Variants in RC3H1 observed in about 807,000 individuals in gnomAD.
RC3H1 encodes ring finger and CCCH-type domains 1.
A neutral mutation model predicts 138.2 loss-of-function variants in RC3H1; 50 were observed. The observed-to-expected ratio is 0.36, with a 90% CI of 0.29 to 0.46. The LOEUF (loss-of-function observed/expected upper bound fraction) is 0.46, where lower values mean the gene tolerates loss of function less well. Among genes scored for constraint, RC3H1 ranks in the 20% least tolerant of loss-of-function variants. The pLI is 1.00. For missense variants in RC3H1, 1,031 were observed against 1,388.1 expected (o/e 0.74, Z 4.09); for synonymous variants, 462 against 489.1 (o/e 0.94, Z 0.73).
intron 1 of RC3H1, 105 bp downstream of exon 1, chr1:174,021,991 G>A: frequency 2.6e-6 from 1 of 382,244 alleles, no homozygotes; most frequent in Non-Finnish European, 4.6e-6. Flanking sequence ...GGAGCAGAGG[G>A]CGGGCGAGGA....
At chr1:174,002,103 GCTT>G (rs1275048517) in intron 1 of RC3H1, among the ~76,000 whole-genome samples, 1 of 152,064 alleles carries the variant, frequency 6.6e-6, no homozygotes, top group Non-Finnish European at 1.5e-5. Flanking sequence ...TCTTAATCAA[GCTT>G]CTTTTCTAAA....
In RC3H1 at chr1:173,985,935, T is replaced by A. The variant is rs981796840; in HGVS notation, c.232-1316A>T. 2.0e-5 allele frequency among the ~76,000 whole-genome samples: 3 copies of A among 152,250 alleles called. No individual in the cohort carries two copies. In the East Asian group the frequency reaches 5.8e-4, roughly 29 times the overall value. On this transcript the variant is annotated intron_variant, in intron 2 of 19. Coordinates refer to ENST00000367696, the MANE Select transcript of RC3H1 (RefSeq NM_172071.4). ...TTTGCCCATTTTGCCTAGTAAACTT[T>A]ATTTTGTAGAACAGTTTTAGATTTA...
At chr1:173,987,435 G>A (rs965065459) in intron 2 of RC3H1, among the ~76,000 whole-genome samples, 1 of 152,140 alleles carries the variant, frequency 6.6e-6, no homozygotes, top group African/African-American at 2.4e-5. Context: ...AGCTCTTTCA[G>A]TTGGCTCCTG....
At chr1:173,999,437 C>A (rs1414312638) in intron 1 of RC3H1, among the ~76,000 whole-genome samples, 1 of 151,784 alleles carries the variant, frequency 6.6e-6, no homozygotes, top group Non-Finnish European at 1.5e-5. Flanking sequence ...AACAAGGCTA[C>A]TTGCTTGGGT....
At position 173,936,485 on chromosome 1, in the gene RC3H1, G is replaced by A. The variant is rs1456337237; in HGVS notation, c.*2236C>T. On this transcript the variant is annotated 3_prime_UTR_variant, in exon 20 of 20. Transcript: ENST00000367696. ...GCCGAGATCAACCCACTGCACTCCA[G>A]CCTGGGCAACAGAAGCAGACTCCCT... 1 of 120,646 alleles carries A rather than the reference G, an allele frequency of 8.3e-6. No individual in the cohort carries two copies. Among genetic ancestry groups the A allele is most frequent in the Non-Finnish European group, 1.6e-5 (1 of 63,100 alleles). The allele number at this position is 120,646 out of a possible 1,614,324, so 7.5% of individuals were successfully genotyped here.
chr1:173,993,952 G>A (rs575387274), intron 1 of RC3H1, among the ~76,000 whole-genome samples: 236 of 148,876 alleles, frequency 1.6e-3, no homozygotes, highest in African/African-American at 5.4e-3. Context: ...CCCGGGAGGC[G>A]GAGGTTGTGG....
At chr1:173,965,361 G>A (rs1023844635) in intron 9 of RC3H1, among the ~76,000 whole-genome samples, 4 of 152,128 alleles carry the variant, frequency 2.6e-5, no homozygotes, top group Admixed American at 6.5e-5. Flanking sequence ...TTGGGAGGCC[G>A]AGGCAGGCGG....
At chr1:173,960,107 CAAAAAAAAA>C (rs58330993) in intron 13 of RC3H1, among the ~76,000 whole-genome samples, 9 of 51,126 alleles carry the variant, frequency 1.8e-4, no homozygotes, top group African/African-American at 5.6e-4. Context: ...GACTCCGACT[CAAAAAAAAA>C]AAAAAAAAAA....
At chr1:173,957,863 G>A (rs1659714039) in intron 13 of RC3H1, among the ~76,000 whole-genome samples, 1 of 152,068 alleles carries the variant, frequency 6.6e-6, no homozygotes, top group Non-Finnish European at 1.5e-5. Flanking sequence ...ACACCTGGCT[G>A]TTTTTACTTT....
At chr1:173,985,510 T>C (rs1660991554) in intron 2 of RC3H1, among the ~76,000 whole-genome samples, 1 of 152,176 alleles carries the variant, frequency 6.6e-6, no homozygotes, top group Non-Finnish European at 1.5e-5. Context: ...AGTAATTCAT[T>C]GTGGTTTGTC....
At chr1:173,957,054 C>T (rs1053566616) in intron 13 of RC3H1, among the ~76,000 whole-genome samples, 2 of 152,022 alleles carry the variant, frequency 1.3e-5, no homozygotes, top group African/African-American at 4.8e-5. Flanking sequence ...GCTGGGATTA[C>T]AGGCGCCCAC....
intron 7 of RC3H1, 140 bp from the exon 8 acceptor site, chr1:173,972,767 C>T (rs1425260040): frequency 1.6e-6 from 1 of 622,416 alleles, no homozygotes; most frequent in Admixed American, 2.7e-5. Flanking sequence ...AGCTTATTCA[C>T]CTAACCATCA....
chr1:173,934,197 C>A lies in RC3H1; in HGVS notation c.*4524G>T, dbSNP rs1369398309. On this transcript the variant is annotated 3_prime_UTR_variant, in exon 20 of 20. Coordinates refer to ENST00000367696, the MANE Select transcript of RC3H1 (RefSeq NM_172071.4). Reference sequence around the variant, plus strand: ...GCAACTGAATACTTCTTTACTGAGACGAATCCTTTTTTTTAGTGAAAGTAT... The same window carrying A: ...GCAACTGAATACTTCTTTACTGAGAAGAATCCTTTTTTTTAGTGAAAGTAT... 4 of 152,096 alleles carry A rather than the reference C, an allele frequency of 2.6e-5. No individual in the cohort carries two copies. The highest frequency in any genetic ancestry group is 9.7e-5 in the African/African-American group (4 of 41,412). The allele number at this position is 152,096 out of a possible 1,614,324, so 9.4% of individuals were successfully genotyped here.
At position 173,982,914 on chromosome 1, in the gene RC3H1, T is replaced by G. The variant is rs1486765737; in HGVS notation, c.593-12A>C. The G allele has an allele frequency of 1.1e-5, 18 of 1,596,222 alleles. No individual in the cohort carries two copies. Among genetic ancestry groups the G allele is most frequent in the East Asian group, 6.8e-5 (3 of 44,334 alleles). On this transcript the variant is annotated splice_polypyrimidine_tract_variant and intron_variant, in intron 4 of 19. Coordinates refer to ENST00000367696, the MANE Select transcript of RC3H1 (RefSeq NM_172071.4). ...TTCCTCCTGCATTGCTAGGGAAAGT[T>G]GGGCAAAACCAAAATTTATCAAGTA...
intron 14 of RC3H1, among the ~76,000 whole-genome samples, chr1:173,950,924 T>C (rs1659368025): frequency 6.6e-6 from 1 of 151,984 alleles, no homozygotes; most frequent in African/African-American, 2.4e-5. Context: ...TAGTCTTAGG[T>C]ACTCAGGAGG....
At chr1:174,006,991 G>C (rs1661663724) in intron 1 of RC3H1, among the ~76,000 whole-genome samples, 1 of 151,992 alleles carries the variant, frequency 6.6e-6, no homozygotes, top group South Asian at 2.1e-4. Flanking sequence ...CATCTCAAAA[G>C]GCCCCCCCTC....
rs1387899626 is a variant in RC3H1, at chr1:173,938,291, A to C, written c.*430T>G. On this transcript the variant is annotated 3_prime_UTR_variant, in exon 20 of 20. Transcript: ENST00000367696. ...TATGGGGTGGTGAGAATTGATAAGG[A>C]TTGGGGGTGAGGAATTATACAAATT... The C allele has an allele frequency of 1.3e-5, 2 of 153,120 alleles. No homozygotes were observed. Among genetic ancestry groups the C allele is most frequent in the African/African-American group, 2.4e-5 (1 of 41,424 alleles). 9.5% of individuals were successfully genotyped at this position (153,120 alleles called of 1,614,324 possible).
At chr1:174,008,575 T>C (rs1256447246) in intron 1 of RC3H1, among the ~76,000 whole-genome samples, 1 of 152,232 alleles carries the variant, frequency 6.6e-6, no homozygotes, top group Admixed American at 6.5e-5. Context: ...AAAAAATTGC[T>C]ACATGAACTC....
At chr1:174,014,007 G>C (rs1661814904) in intron 1 of RC3H1, among the ~76,000 whole-genome samples, 1 of 152,150 alleles carries the variant, frequency 6.6e-6, no homozygotes, top group Non-Finnish European at 1.5e-5. Flanking sequence ...TGACATTCTG[G>C]AAAGGTAAAA....
Sources: allele counts gnomAD v4.1 joint callset (sites outside exome capture counted in the v4.1 genomes callset), GRCh38; gene constraint gnomAD v4.1.1; transcripts MANE v1.5; gene names NCBI Gene and HGNC (gene_info 2026-07-23, HGNC 2026-07-21).